FGFRL1: variants seen among roughly 807,000 people sequenced by gnomAD.
FGFRL1 encodes fibroblast growth factor receptor like 1, also known as fibroblast growth factor receptor-like 1.
Under a neutral mutation model 36.8 loss-of-function variants are expected in FGFRL1, and 24 were observed. The ratio of observed to expected loss-of-function variants is 0.65; its 90% CI spans 0.47 to 0.92. The LOEUF (loss-of-function observed/expected upper bound fraction) is 0.92, where lower values mean the gene tolerates loss of function less well. Ranked by LOEUF, FGFRL1 falls within the 40% of genes least tolerant of loss-of-function variation. FGFRL1 has a pLI of 0.00. For missense variants in FGFRL1, 785 were observed against 753.4 expected (o/e 1.04, Z -0.49); for synonymous variants, 422 against 344.1 (o/e 1.23, Z -2.50).
At chr4:1,020,642 G>GGGGCA in intron 2 of FGFRL1, among the ~76,000 whole-genome samples, 1 of 128,252 alleles carries the variant, frequency 7.8e-6, no homozygotes, top group Non-Finnish European at 1.7e-5. Context: ...GGCAGGGGAT[G>GGGGCA]GGGTGGGGAC....
rs1560564463 is a variant in FGFRL1, at chr4:1,023,880, G to C, written c.497G>C (p.Ser166Thr). ...RRRVIARPVG[S>T]SVRLKCVASG... Reference sequence around the variant, plus strand: ...CGGGTGATCGCACGGCCCGTGGGTAGCTCCGTGCGGCTCAAGTGCGTGGCC... The same window carrying C: ...CGGGTGATCGCACGGCCCGTGGGTACCTCCGTGCGGCTCAAGTGCGTGGCC... Residue 166 changes from serine to threonine, a missense_variant, in exon 5 of 7, where the codon AGC becomes ACC. Coordinates refer to ENST00000510644, the MANE Select transcript of FGFRL1 (RefSeq NM_001004356.3). This position sits in a 1 kb window ranked among gnomAD's most constrained non-coding sequence, Gnocchi z 6.0. 6.3e-7 allele frequency: 1 copy of C among 1,580,286 alleles called. No individual in the cohort carries two copies. Among genetic ancestry groups the C allele is most frequent in the Non-Finnish European group, 8.6e-7 (1 of 1,167,772 alleles).
chr4:1,022,080 C>G, intron 2 of FGFRL1, 123 bp from the exon 3 acceptor site: 1 of 714,606 alleles, frequency 1.4e-6, no homozygotes. Flanking sequence ...TCATCTTGGG[C>G]AGGTGACCCA....
intron 2 of FGFRL1, among the ~76,000 whole-genome samples, chr4:1,021,469 GCC>G (rs1238677260): frequency 6.6e-6 from 1 of 152,118 alleles, no homozygotes; most frequent in Non-Finnish European, 1.5e-5. Flanking sequence ...TTGGGGTCAT[GCC>G]CCCTCAAGGC....
At chr4:1,018,338 T>G (rs1388258871) in intron 2 of FGFRL1, among the ~76,000 whole-genome samples, 1 of 151,904 alleles carries the variant, frequency 6.6e-6, no homozygotes, top group Non-Finnish European at 1.5e-5. Flanking sequence ...CTAGTTGTGT[T>G]TTTTACAGCT....
chr4:1,025,008 C>T lies in FGFRL1; in HGVS notation c.1176C>T (p.Gly392=), dbSNP rs1426989637. 1 of 1,610,928 alleles carries T rather than the reference C, an allele frequency of 6.2e-7. No individual in the cohort carries two copies. Among genetic ancestry groups the T allele is most frequent in the Non-Finnish European group, 8.5e-7 (1 of 1,179,730 alleles). Residue 392 remains glycine, a synonymous_variant, in exon 7 of 7, where the codon GGC becomes GGT. Coordinates refer to ENST00000510644, the MANE Select transcript of FGFRL1 (RefSeq NM_001004356.3). ...CAGCCGGCGCTGTCTTCATCCTGGGCACCCTGCTCCTGTGGCTTTGCCAGG... is the reference window on the plus strand; with the variant it reads ...CAGCCGGCGCTGTCTTCATCCTGGGTACCCTGCTCCTGTGGCTTTGCCAGG... ...GIPAGAVFIL[G]TLLLWLCQAQ... is the part of the protein sequence containing the mutation.
At chr4:1,014,988 G>C (rs901117878) in intron 2 of FGFRL1, among the ~76,000 whole-genome samples, 1 of 152,226 alleles carries the variant, frequency 6.6e-6, no homozygotes, top group Admixed American at 6.5e-5. Context: ...TTCAGCCGCA[G>C]GCCCCGCGCT....
At position 1,023,978 on chromosome 4, in the gene FGFRL1, C is replaced by T. The variant is rs1247232153; in HGVS notation, c.595C>T (p.Pro199Ser). Reference sequence around the variant, plus strand: ...CTTGACGCGCCCAGAGGCCGCTGAGCCCAGGAAGAAGAAGTGGACACTGAG... The same window carrying T: ...CTTGACGCGCCCAGAGGCCGCTGAGTCCAGGAAGAAGAAGTGGACACTGAG... ...QALTRPEAAE[P>S]RKKKWTLSLK... is the part of the protein sequence containing the mutation. Residue 199 changes from proline (P) to serine (S), a missense_variant, in exon 5 of 7, where the codon CCC (proline) becomes TCC (serine). Transcript: ENST00000510644. This position sits in a 1 kb window ranked among gnomAD's most constrained non-coding sequence, Gnocchi z 6.0. 1 of 1,602,698 alleles carries T rather than the reference C, an allele frequency of 6.2e-7. No homozygotes were observed. The highest frequency in any genetic ancestry group is 8.5e-7 in the Non-Finnish European group (1 of 1,176,678).
chr4:1,024,777 C>T, intron 6 of FGFRL1, 113 bp downstream of exon 6: 1 of 1,403,100 alleles, frequency 7.1e-7, no homozygotes, highest in African/African-American at 1.4e-5. Context: ...CCGTGCTGGC[C>T]AGGTCATCTG....
In FGFRL1 at chr4:1,025,421, C is replaced by T; in HGVS notation, c.*74C>T. On this transcript the variant is annotated 3_prime_UTR_variant, in exon 7 of 7. Transcript: ENST00000510644. ...ACTGGGAGGATGGAGGACGGAGCTGCAGACGAAGGCAGGGGACCCATGGCG... is the reference window on the plus strand; with the variant it reads ...ACTGGGAGGATGGAGGACGGAGCTGTAGACGAAGGCAGGGGACCCATGGCG... The T allele has an allele frequency of 6.7e-7, 1 of 1,481,746 alleles. No individual in the cohort carries two copies. The allele number at this position is 1,481,746 out of a possible 1,614,324, so 91.8% of individuals were successfully genotyped here. A position where few individuals can be genotyped will look rare whatever the true frequency, so the allele number is the denominator to read the frequency against.
chr4:1,022,146 C>T, intron 2 of FGFRL1, 57 bp from the exon 3 acceptor site: 1 of 1,368,458 alleles, frequency 7.3e-7, no homozygotes, highest in Non-Finnish European at 9.8e-7. Context: ...TTGACCGCCC[C>T]CCCGGCTCCG....
Position 1,025,636 on chromosome 4 carries a change from A to C in FGFRL1, c.*289A>C. ...CCTGGGCACACAGATAAGCTGCCCA[A>C]ATGCACGCACACGCACAGAGACATG... On this transcript the variant is annotated 3_prime_UTR_variant, in exon 7 of 7. Coordinates refer to ENST00000510644, the MANE Select transcript of FGFRL1 (RefSeq NM_001004356.3). 1.9e-6 allele frequency: 1 copy of C among 527,906 alleles called. No homozygotes were observed. Among genetic ancestry groups the C allele is most frequent in the East Asian group, 3.2e-5 (1 of 31,008 alleles). 32.7% of individuals were successfully genotyped at this position (527,906 alleles called of 1,614,324 possible).
At position 1,026,762 on chromosome 4, in the gene FGFRL1, C is replaced by T. The variant is rs1716561921; in HGVS notation, c.*1415C>T. On this transcript the variant is annotated 3_prime_UTR_variant, in exon 7 of 7. Coordinates refer to ENST00000510644, the MANE Select transcript of FGFRL1 (RefSeq NM_001004356.3). ...CTTTCAGCCATGCTGATGACCACAC[C>T]CCGTCCAGGCCAGACACCACCCCCC... is the stretch of plus-strand genomic sequence containing the variant. The T allele has an allele frequency of 2.3e-6, 1 of 442,862 alleles. No homozygotes were observed. Among genetic ancestry groups the T allele is most frequent in the South Asian group, 1.6e-5 (1 of 62,010 alleles). The allele number at this position is 442,862 out of a possible 1,614,324, so 27.4% of individuals were successfully genotyped here. A position where few individuals can be genotyped will look rare whatever the true frequency, so the allele number is the denominator to read the frequency against.
rs778092068 is a variant in FGFRL1 at position 1,022,439 on chromosome 4, G to C, written c.316G>C (p.Gly106Arg). 2.5e-6 allele frequency: 4 copies of C among 1,609,606 alleles called. No homozygotes were observed. The African/African-American group carries it at 5.3e-5, about 21-fold the overall frequency. Reference protein sequence around the residue: ...VYVCKATNGFGSLSVNYTLVV... With the variant: ...VYVCKATNGFRSLSVNYTLVV... ...CGTGTGCAAGGCCACCAACGGCTTC[G>C]GCAGCCTGAGCGTCAACTACACCCT... is the stretch of plus-strand genomic sequence containing the variant. Residue 106 changes from glycine (G) to arginine (R), a missense_variant, in exon 3 of 7, where the codon GGC (glycine) becomes CGC (arginine). Coordinates refer to ENST00000510644, the MANE Select transcript of FGFRL1 (RefSeq NM_001004356.3).
rs557157256 is a variant in FGFRL1 at position 1,012,478 on chromosome 4, A to G, written c.-8A>G. 9.0e-5 allele frequency: 142 copies of G among 1,575,602 alleles called. No homozygotes were observed. In the East Asian group the frequency reaches 3.0e-3, roughly 33 times the overall value. ...GCCCCCAATGTCCCCAGGTCCGGAC[A>G]GGCCGAGATGACGCCGAGCCCCCTG... On this transcript the variant is annotated 5_prime_UTR_variant, in exon 2 of 7. Transcript: ENST00000510644.
Position 1,025,492 on chromosome 4 carries a change from C to T in FGFRL1, c.*145C>T, listed in dbSNP as rs1247286541. ...CAGGCAGTCTGTGTGTGAGGCATAGCCCCTGGACACACACACACAGACACA... is the reference window on the plus strand; with the variant it reads ...CAGGCAGTCTGTGTGTGAGGCATAGTCCCTGGACACACACACACAGACACA... On this transcript the variant is annotated 3_prime_UTR_variant, in exon 7 of 7. Coordinates refer to ENST00000510644, the MANE Select transcript of FGFRL1 (RefSeq NM_001004356.3). The T allele has an allele frequency of 5.4e-6, 5 of 928,398 alleles. No homozygotes were observed. In the Admixed American group the frequency reaches 8.2e-5, roughly 15 times the overall value. The allele number at this position is 928,398 out of a possible 1,614,324, so 57.5% of individuals were successfully genotyped here. A position where few individuals can be genotyped will look rare whatever the true frequency, so the allele number is the denominator to read the frequency against.
rs747896165 is a variant in FGFRL1 at position 1,023,645 on chromosome 4, C to T, written c.357C>T (p.Asp119=). The T allele has an allele frequency of 3.7e-6, 6 of 1,601,736 alleles. No homozygotes were observed. The Admixed American group carries it at 8.5e-5, about 23-fold the overall frequency. The stretch of plus-strand genomic sequence containing the variant: ...TGCACCTCCGTCTCTCTGCAGATGA[C>T]ATTAGCCCAGGGAAGGAGAGCCTGG... ...SVNYTLVVLD[D]ISPGKESLGP... is the part of the protein sequence containing the mutation. The change falls in exon 4 of 7, where the codon GAC becomes GAT. Residue 119 remains aspartate (D), a synonymous_variant. Transcript: ENST00000510644. The surrounding 1 kb of genome is among the most constrained non-coding windows in gnomAD (Gnocchi z 6.0).
At chr4:1,022,138 G>A (rs1184504520) in intron 2 of FGFRL1, 65 bp from the exon 3 acceptor site, 2 of 1,287,816 alleles carry the variant, frequency 1.6e-6, no homozygotes, top group Admixed American at 5.6e-5. Flanking sequence ...GTCCCCTTTT[G>A]ACCGCCCCCC....
intron 2 of FGFRL1, among the ~76,000 whole-genome samples, chr4:1,020,622 T>C (rs1479747873): frequency 7.8e-5 from 4 of 51,124 alleles, no homozygotes; most frequent in Non-Finnish European, 8.2e-5. Flanking sequence ...TGGGGTGGGG[T>C]GGGGACTGAG....
Position 1,025,214 on chromosome 4 carries a change from G to A in FGFRL1, c.1382G>A (p.Gly461Asp), listed in dbSNP as rs767542507. The change falls in exon 7 of 7, where the codon GGC becomes GAC. Residue 461 changes from glycine (G) to aspartate (D), a missense_variant. Physicochemically the swap from Gly to Asp is moderately conservative, Grantham distance 94. Transcript: ENST00000510644. ...GSPAAPQHLLGPGPVAGPKLY... is the reference protein window; with the variant it reads ...GSPAAPQHLLDPGPVAGPKLY... ...CCGGCAGCCCCCCAGCACTTACTGGGCCCAGGCCCAGTTGCTGGCCCTAAG... is the reference window on the plus strand; with the variant it reads ...CCGGCAGCCCCCCAGCACTTACTGGACCCAGGCCCAGTTGCTGGCCCTAAG... 1.7e-5 allele frequency: 27 copies of A among 1,609,906 alleles called. 1 individual carries two copies. In the South Asian group the frequency reaches 2.2e-4, roughly 13 times the overall value.
Sources: allele counts gnomAD v4.1 joint callset (sites outside exome capture counted in the v4.1 genomes callset), GRCh38; gene constraint gnomAD v4.1.1; non-coding constraint Gnocchi (gnomAD v3.1); transcripts MANE v1.5; gene names NCBI Gene and HGNC (gene_info 2026-07-23, HGNC 2026-07-21).